TAPT1: variants seen among roughly 807,000 people sequenced by gnomAD.
TAPT1 encodes transmembrane anterior posterior transformation 1, also known as transmembrane anterior posterior transformation protein 1 homolog.
TAPT1 carries 28 observed loss-of-function variants against 65.6 expected under a neutral mutation model. That is an observed-to-expected ratio of 0.43 (90% CI 0.32 to 0.59). The LOEUF (loss-of-function observed/expected upper bound fraction) is 0.59, where lower values mean the gene tolerates loss of function less well. TAPT1 is among the 20% of genes least tolerant of loss of function. The pLI is 0.09. For synonymous variants in TAPT1, 278 were observed against 245.2 expected (o/e 1.13, Z -1.25); for missense variants, 563 against 679.9 (o/e 0.83, Z 1.91).
In TAPT1 at chr4:16,191,419, T is replaced by C; in HGVS notation, c.554A>G (p.Tyr185Cys). 2 of 1,596,252 alleles carry C rather than the reference T, an allele frequency of 1.3e-6. No individual in the cohort carries two copies. Among genetic ancestry groups the C allele is most frequent in the Non-Finnish European group, 1.7e-6 (2 of 1,171,140 alleles). The change falls in exon 4 of 14, where the codon TAC becomes TGC. Residue 185 changes from tyrosine (Y) to cysteine (C), a missense_variant. By Grantham distance (194) the Tyr-to-Cys change is radical. This residue lies in a region of TAPT1 where 217 missense variants were observed against 317.5 expected (regional missense o/e 0.68). Transcript: ENST00000405303. ...GACGGACTGCCCCCTTATCAGGTGG[T>C]ACATCATGGAGTAGTCAACATAGTG... is the stretch of plus-strand genomic sequence containing the variant. ...MMHYVDYSMM[Y>C]HLIRGQSVIK...
intron 9 of TAPT1, 87 bp downstream of exon 9, chr4:16,176,032 T>C: frequency 1.6e-6 from 1 of 608,894 alleles, no homozygotes; most frequent in Non-Finnish European, 2.7e-6. Flanking sequence ...CCTTAAAGTA[T>C]TAACAAACTC....
chr4:16,211,728 A>G (rs1285896788), intron 2 of TAPT1, among the ~76,000 whole-genome samples: 1 of 152,204 alleles, frequency 6.6e-6, no homozygotes, highest in African/African-American at 2.4e-5. Context: ...TTCATGAAAC[A>G]ATACTTATTC....
chr4:16,168,306 T>C (rs1474972516), intron 12 of TAPT1, among the ~76,000 whole-genome samples: 32 of 152,020 alleles, frequency 2.1e-4, no homozygotes, highest in Non-Finnish European at 4.1e-4. Context: ...GATGGGGTCT[T>C]GCTATGTTGC....
At position 16,170,702 on chromosome 4, in the gene TAPT1, T is replaced by C. The variant is rs1293790897; in HGVS notation, c.1264A>G (p.Lys422Glu). 6.2e-7 allele frequency: 1 copy of C among 1,613,758 alleles called. No individual in the cohort carries two copies. The highest frequency in any genetic ancestry group is 8.5e-7 in the Non-Finnish European group (1 of 1,179,704). The change falls in exon 12 of 14, where the codon AAA (lysine) becomes GAA (glutamate). Residue 422 changes from lysine (K) to glutamate (E), a missense_variant. Physicochemically the swap from Lys to Glu is moderately conservative, Grantham distance 56. This residue lies in a region of TAPT1 where 104 missense variants were observed against 102.5 expected (regional missense o/e 1.01). Coordinates refer to ENST00000405303, the MANE Select transcript of TAPT1 (RefSeq NM_153365.3). ...GCATAAGACAGGATTCCTTGCACTTTAATTGAGCTTGTTACAACTCTGATG... is the reference window on the plus strand; with the variant it reads ...GCATAAGACAGGATTCCTTGCACTTCAATTGAGCTTGTTACAACTCTGATG... ...LLIRVVTSSIKVQGILSYACV... is the reference protein window; with the variant it reads ...LLIRVVTSSIEVQGILSYACV...
chr4:16,225,228 C>G (rs1216332673), intron 1 of TAPT1, among the ~76,000 whole-genome samples: 1 of 152,332 alleles, frequency 6.6e-6, no homozygotes, highest in Non-Finnish European at 1.5e-5. Flanking sequence ...ATCAGCAAAT[C>G]AATTAGAATC....
intron 2 of TAPT1, among the ~76,000 whole-genome samples, chr4:16,212,234 A>G (rs1007922967): frequency 3.9e-5 from 6 of 152,208 alleles, no homozygotes; most frequent in Non-Finnish European, 8.8e-5. Flanking sequence ...GGAGTTCATA[A>G]CTACTCAGAA....
intron 3 of TAPT1, among the ~76,000 whole-genome samples, chr4:16,195,116 A>C (rs1316262342): frequency 6.6e-6 from 1 of 152,220 alleles, no homozygotes; most frequent in Non-Finnish European, 1.5e-5. Flanking sequence ...TGGCATCTTA[A>C]AAGACAGCTG....
chr4:16,168,962 T>C (rs1372586115), intron 12 of TAPT1, among the ~76,000 whole-genome samples: 3 of 152,228 alleles, frequency 2.0e-5, no homozygotes, highest in African/African-American at 4.8e-5. Flanking sequence ...AAGTTCAGCA[T>C]TGTATGTCAA....
intron 3 of TAPT1, among the ~76,000 whole-genome samples, chr4:16,196,052 CA>C (rs1749689843): frequency 6.6e-6 from 1 of 152,158 alleles, no homozygotes; most frequent in South Asian, 2.1e-4. Context: ...TGAAGAAACA[CA>C]AGCACTACTG....
At chr4:16,171,150 G>C (rs1747965772) in intron 11 of TAPT1, among the ~76,000 whole-genome samples, 1 of 152,158 alleles carries the variant, frequency 6.6e-6, no homozygotes, top group African/African-American at 2.4e-5. Context: ...TATTTGGTGG[G>C]TGTTTCCTTA....
At chr4:16,201,963 C>T (rs190801392) in intron 3 of TAPT1, among the ~76,000 whole-genome samples, 1,722 of 152,236 alleles carry the variant, frequency 0.011, 15 homozygotes, top group Non-Finnish European at 0.018. Context: ...CAGTCTCGTC[C>T]ATAACCAGTA....
intron 3 of TAPT1, among the ~76,000 whole-genome samples, chr4:16,192,433 G>A (rs1749431027): frequency 6.6e-6 from 1 of 152,056 alleles, no homozygotes; most frequent in South Asian, 2.1e-4. Context: ...TGGTTTATAG[G>A]ACAGCTTTTG....
At chr4:16,195,452 C>T (rs1374507790) in intron 3 of TAPT1, among the ~76,000 whole-genome samples, 1 of 152,196 alleles carries the variant, frequency 6.6e-6, no homozygotes, top group Admixed American at 6.5e-5. Flanking sequence ...GAAAAACCCA[C>T]TAATCTAATT....
At chr4:16,174,164 G>A (rs1560154582) in intron 11 of TAPT1, 40 bp downstream of exon 11, 1 of 1,382,094 alleles carries the variant, frequency 7.2e-7, no homozygotes. Flanking sequence ...TATAATGATG[G>A]CTACTTTGTT....
At chr4:16,166,950 C>T (rs1284591323) in intron 12 of TAPT1, 157 bp from the exon 13 acceptor site, 1 of 566,132 alleles carries the variant, frequency 1.8e-6, no homozygotes, top group South Asian at 3.4e-5. Context: ...TTTTCTGAGG[C>T]CTCCTTGTCA....
Position 16,162,856 on chromosome 4 carries a change from A to G in TAPT1, c.*452T>C. 1 of 350,692 alleles carries G rather than the reference A, an allele frequency of 2.9e-6. No individual in the cohort carries two copies. Among genetic ancestry groups the G allele is most frequent in the South Asian group, 2.1e-5 (1 of 47,018 alleles). The allele number at this position is 350,692 out of a possible 1,614,324, so 21.7% of individuals were successfully genotyped here. On this transcript the variant is annotated 3_prime_UTR_variant, in exon 14 of 14. Coordinates refer to ENST00000405303, the MANE Select transcript of TAPT1 (RefSeq NM_153365.3). ...TTTAATTTTTTTAATGCTTTGGCAG[A>G]TGAAGTAACGTTTGAAAACTGTTTG...
In TAPT1 at chr4:16,194,859, G is replaced by GTCTTCTTCTTCTTCTTCTTCTTCTTCT. The variant is rs71649940; in HGVS notation, c.450-3363_450-3337dup. On this transcript the variant is annotated intron_variant, in intron 3 of 13. Transcript: ENST00000405303. ...TTAAAAAACAAGGGTCTTGATTTCT[G>GTCTTCTTCTTCTTCTTCTTCTTCTTCT]TCTTCTTCTTCTTCTTCTTCTTCTT... Among the ~76,000 whole-genome samples the GTCTTCTTCTTCTTCTTCTTCTTCTTCT allele has an allele frequency of 3.1e-4, 46 of 146,892 alleles. 2 individuals are homozygous for GTCTTCTTCTTCTTCTTCTTCTTCTTCT. Among genetic ancestry groups the GTCTTCTTCTTCTTCTTCTTCTTCTTCT allele is most frequent in the African/African-American group, 1.2e-3 (44 of 37,328 alleles).
intron 13 of TAPT1, among the ~76,000 whole-genome samples, chr4:16,164,454 A>G (rs1299407426): frequency 1.3e-5 from 2 of 152,200 alleles, no homozygotes; most frequent in African/African-American, 4.8e-5. Flanking sequence ...CATTCTGAGC[A>G]AACACTCAGG....
intron 3 of TAPT1, among the ~76,000 whole-genome samples, chr4:16,198,697 C>T (rs1478885459): frequency 6.6e-6 from 1 of 152,056 alleles, no homozygotes. Context: ...TGGAACATGA[C>T]ATCACTACAG....
Sources: gnomAD v4.1 joint callset for allele counts (sites outside exome capture counted in the v4.1 genomes callset) on GRCh38, gnomAD v4.1.1 for gene constraint, gnomAD v4.1.1 regional missense constraint, MANE v1.5 for transcripts, NCBI Gene and HGNC (gene_info 2026-07-23, HGNC 2026-07-21) for gene names.